Variants in SLC20A2 observed in about 807,000 individuals in gnomAD.
SLC20A2 encodes sodium-dependent phosphate transporter 2.
A neutral mutation model predicts 61.0 loss-of-function variants in SLC20A2; 30 were observed. That is an observed-to-expected ratio of 0.49 (90% CI 0.37 to 0.67). SLC20A2 has a LOEUF of 0.67. Ranked by LOEUF, SLC20A2 falls within the 30% of genes least tolerant of loss-of-function variation. The pLI is 0.00. For synonymous variants in SLC20A2, 351 were observed against 353.3 expected (o/e 0.99, Z 0.07); for missense variants, 626 against 866.4 (o/e 0.72, Z 3.48).
At chr8:42,464,110 T>TTTTTTTTTTTTTTTTTTTTTTTTTTTTG (rs1806947206) in intron 3 of SLC20A2, among the ~76,000 whole-genome samples, 1 of 88,852 alleles carries the variant, frequency 1.1e-5, no homozygotes, top group Non-Finnish European at 2.4e-5. Flanking sequence ...TTTTTTTTTT[T>TTTTTTTTTTTTTTTTTTTTTTTTTTTTG]TTTTTTTTTT....
chr8:42,479,043 C>G (rs74966792), intron 1 of SLC20A2, among the ~76,000 whole-genome samples: 1 of 152,190 alleles, frequency 6.6e-6, no homozygotes, highest in Non-Finnish European at 1.5e-5. Context: ...AGGAGGGGCT[C>G]GGGACATGAC....
At chr8:42,529,279 T>C (rs1251342551) in intron 1 of SLC20A2, among the ~76,000 whole-genome samples, 2 of 152,098 alleles carry the variant, frequency 1.3e-5, no homozygotes, top group African/African-American at 4.8e-5. Flanking sequence ...CATTTCCTCA[T>C]TTTTTTAAAT....
intron 1 of SLC20A2, among the ~76,000 whole-genome samples, chr8:42,474,883 C>T (rs1807934768): frequency 6.7e-6 from 1 of 148,896 alleles, no homozygotes; most frequent in African/African-American, 2.5e-5. Context: ...GCAGCAAAGG[C>T]TCACCTGAGA....
chr8:42,456,412 G>A (rs1806199960), intron 5 of SLC20A2, among the ~76,000 whole-genome samples: 1 of 152,084 alleles, frequency 6.6e-6, no homozygotes, highest in African/African-American at 2.4e-5. Context: ...TTTCTGTTCA[G>A]CTAACTTGAA....
intron 5 of SLC20A2, among the ~76,000 whole-genome samples, chr8:42,448,244 C>T (rs1040270775): frequency 2.6e-5 from 4 of 152,246 alleles, no homozygotes; most frequent in South Asian, 2.1e-4. Context: ...GTGCTACTTT[C>T]GGCTTAGCGC....
At chr8:42,431,843 G>T (rs961802048) in intron 8 of SLC20A2, among the ~76,000 whole-genome samples, 1 of 152,162 alleles carries the variant, frequency 6.6e-6, no homozygotes, top group Non-Finnish European at 1.5e-5. Context: ...TTACAGCATG[G>T]TTTACTGAAT....
chr8:42,473,439 T>G (rs1361967818), intron 1 of SLC20A2, among the ~76,000 whole-genome samples: 1 of 152,002 alleles, frequency 6.6e-6, no homozygotes, highest in African/African-American at 2.4e-5. Flanking sequence ...CCAGGCACAC[T>G]CTCACCTCAG....
chr8:42,523,694 T>C (rs946840463), intron 1 of SLC20A2, among the ~76,000 whole-genome samples: 6 of 152,236 alleles, frequency 3.9e-5, no homozygotes, highest in African/African-American at 7.2e-5. Context: ...TGAAGTCATC[T>C]TCTTAAAAAC....
At chr8:42,442,029 G>A (rs1804830117) in intron 6 of SLC20A2, among the ~76,000 whole-genome samples, 1 of 151,854 alleles carries the variant, frequency 6.6e-6, no homozygotes, top group Non-Finnish European at 1.5e-5. Context: ...TGCCTCCCAG[G>A]TTCAAGCAAT....
intron 1 of SLC20A2, chr8:42,484,863 C>T: frequency 2.7e-6 from 1 of 371,082 alleles, no homozygotes. Flanking sequence ...GCTTGCTGGT[C>T]TACACGCAGC....
chr8:42,472,363 C>G lies in SLC20A2; in HGVS notation c.28G>C (p.Val10Leu). The change falls in exon 2 of 11, where the codon GTC becomes CTC. Residue 10 changes from valine (V) to leucine (L), a missense_variant. Physicochemically the swap from Val to Leu is conservative, Grantham distance 32. This residue lies in a region of SLC20A2 where 127 missense variants were observed against 215.4 expected (regional missense o/e 0.59). Coordinates refer to ENST00000520262, the MANE Select transcript of SLC20A2 (RefSeq NM_001257180.2). This position sits in a 1 kb window ranked among gnomAD's most constrained non-coding sequence, Gnocchi z 4.1. MAMDEYLWM[V>L]ILGFIIAFIL... is the part of the protein sequence containing the mutation. The stretch of plus-strand genomic sequence containing the variant: ...AAAGCTATGATGAAACCCAAAATGA[C>G]CATCCACAAATACTCATCCATGGCC... 1.2e-6 allele frequency: 2 copies of G among 1,614,062 alleles called. No homozygotes were observed. Among genetic ancestry groups the G allele is most frequent in the Non-Finnish European group, 1.7e-6 (2 of 1,179,942 alleles).
At chr8:42,438,083 A>AAAAAAAAAAG (rs1804481742) in intron 7 of SLC20A2, among the ~76,000 whole-genome samples, 1 of 150,600 alleles carries the variant, frequency 6.6e-6, no homozygotes, top group Non-Finnish European at 1.5e-5. Context: ...AAAAAAAAAA[A>AAAAAAAAAAG]AAAAAACATG....
At position 42,437,647 on chromosome 8, in the gene SLC20A2, C is replaced by A; in HGVS notation, c.935-70G>T. The A allele has an allele frequency of 7.6e-7, 1 of 1,308,466 alleles. No individual in the cohort carries two copies. Among genetic ancestry groups the A allele is most frequent in the Non-Finnish European group, 1.0e-6 (1 of 977,662 alleles). The allele number at this position is 1,308,466 out of a possible 1,614,324, so 81.1% of individuals were successfully genotyped here. On this transcript the variant is annotated intron_variant, in intron 7 of 10. Transcript: ENST00000520262. The surrounding 1 kb of genome is among the most constrained non-coding windows in gnomAD (Gnocchi z 6.4). ...TTTTTCTTTTCTTTTTGAGACGGAG[C>A]CTTGCTCTGTCCTCAGGGTGGAGTA...
At chr8:42,429,723 C>A (rs896255694) in intron 9 of SLC20A2, among the ~76,000 whole-genome samples, 8 of 152,112 alleles carry the variant, frequency 5.3e-5, no homozygotes, top group African/African-American at 1.9e-4. Context: ...AGCCCAGGGG[C>A]CTGTTTAAGT....
chr8:42,430,285 A>C, intron 8 of SLC20A2, 36 bp from the exon 9 acceptor site: 1 of 1,559,834 alleles, frequency 6.4e-7, no homozygotes, highest in South Asian at 1.2e-5. Flanking sequence ...TTAACTATAT[A>C]TGCAAGCGGC....
intron 2 of SLC20A2, among the ~76,000 whole-genome samples, chr8:42,468,903 G>T (rs1279590655): frequency 6.6e-6 from 1 of 152,204 alleles, no homozygotes; most frequent in African/African-American, 2.4e-5. Context: ...ACCATTGGTG[G>T]TTTCCTACAA....
chr8:42,425,667 G>A (rs1803354914), intron 10 of SLC20A2, among the ~76,000 whole-genome samples: 1 of 152,132 alleles, frequency 6.6e-6, no homozygotes, highest in South Asian at 2.1e-4. Flanking sequence ...TTTTATAGAT[G>A]GCACCCTGCT....
chr8:42,475,102 G>A (rs1442822069), intron 1 of SLC20A2, among the ~76,000 whole-genome samples: 2 of 148,072 alleles, frequency 1.4e-5, no homozygotes, highest in Non-Finnish European at 1.5e-5. Flanking sequence ...GGGTATTGGC[G>A]TGACCAGACT....
chr8:42,516,822 G>A (rs967402495), intron 1 of SLC20A2, among the ~76,000 whole-genome samples: 3 of 151,650 alleles, frequency 2.0e-5, no homozygotes, highest in Non-Finnish European at 2.9e-5. Context: ...ATTCATCAAC[G>A]GTGCTCTAAC....
Sources: allele counts gnomAD v4.1 joint callset (sites outside exome capture counted in the v4.1 genomes callset), GRCh38; gene constraint gnomAD v4.1.1; regional missense constraint gnomAD v4.1.1; non-coding constraint Gnocchi (gnomAD v3.1); transcripts MANE v1.5; gene names NCBI Gene and HGNC (gene_info 2026-07-23, HGNC 2026-07-21).